Variants in DYRK4 observed in about 807,000 individuals in gnomAD.
The protein encoded by DYRK4 is dual specificity tyrosine phosphorylation regulated kinase 4, also known as dual specificity tyrosine-phosphorylation-regulated kinase 4.
A neutral mutation model predicts 68.3 loss-of-function variants in DYRK4; 64 were observed. That is an observed-to-expected ratio of 0.94 (90% confidence interval 0.77 to 1.15). DYRK4 has a LOEUF of 1.15. DYRK4 is among the 50% of genes most tolerant of loss of function. The pLI is 0.00. For synonymous variants in DYRK4, 274 were observed against 289.9 expected (o/e 0.95, Z 0.56); for missense variants, 740 against 764.7 (o/e 0.97, Z 0.38).
intron 2 of DYRK4, among the ~76,000 whole-genome samples, chr12:4,586,107 C>T (rs1944893804): frequency 6.6e-6 from 1 of 152,146 alleles, no homozygotes; most frequent in Admixed American, 6.5e-5. Flanking sequence ...CCTGTAGTCC[C>T]AGCTACTTGG....
At chr12:4,608,285 C>CCAG (rs1317093586) in intron 12 of DYRK4, among the ~76,000 whole-genome samples, 3 of 152,192 alleles carry the variant, frequency 2.0e-5, no homozygotes, top group Non-Finnish European at 4.4e-5. Flanking sequence ...ACATTTCTGA[C>CCAG]CAGCCATTGT....
intron 4 of DYRK4, 123 bp downstream of exon 4, chr12:4,590,563 T>C: frequency 6.9e-7 from 1 of 1,443,596 alleles, no homozygotes; most frequent in Non-Finnish European, 9.0e-7. Flanking sequence ...AGGTGGGTTC[T>C]AGTCCTGTTC....
chr12:4,610,054 CAG>C (rs1398684301), intron 12 of DYRK4, 99 bp from the exon 13 acceptor site: 7 of 1,054,612 alleles, frequency 6.6e-6, no homozygotes, highest in African/African-American at 4.9e-5. Context: ...GTGTGTAAGA[CAG>C]AGAGCAAAAG....
intron 11 of DYRK4, 97 bp downstream of exon 11, chr12:4,605,183 A>G (rs1945129622): frequency 1.8e-6 from 2 of 1,101,048 alleles, no homozygotes; most frequent in African/African-American, 3.1e-5. Flanking sequence ...TGGCCTGCAT[A>G]CCTTGTTGTT....
chr12:4,576,713 G>A (rs1373528182), intron 2 of DYRK4, among the ~76,000 whole-genome samples: 3 of 152,164 alleles, frequency 2.0e-5, no homozygotes, highest in East Asian at 3.8e-4. Flanking sequence ...GTTCTAGTAG[G>A]TGTGTAGTGG....
Position 4,562,266 on chromosome 12 carries a change from T to C in DYRK4, c.21T>C (p.Pro7=), listed in dbSNP as rs1450962986. The stretch of plus-strand genomic sequence containing the variant: ...GCCTCATGCAGCTCCTCCCGCCGCC[T>C]ATCCGCACCGGAACAAAGTAAGGGC... The part of the protein sequence containing the change: MQLLPP[P]IRTGTKTQMD... The change falls in exon 1 of 15, where the codon CCT becomes CCC. Residue 7 remains proline, a synonymous_variant. Transcript: ENST00000543431. 2 of 1,532,396 alleles carry C rather than the reference T, an allele frequency of 1.3e-6. No individual in the cohort carries two copies. The highest frequency in any genetic ancestry group is 1.7e-6 in the Non-Finnish European group (2 of 1,145,380). 94.9% of individuals were successfully genotyped at this position (1,532,396 alleles called of 1,614,324 possible).
Position 4,599,552 on chromosome 12 carries a change from A to G in DYRK4, c.1045-155A>G, listed in dbSNP as rs1591803071. Reference sequence around the variant, plus strand: ...GACCACAAGTCAAATGGAAAGTCAGAGCGGAGGATGATGGGATTTTGGAGA... The same window carrying G: ...GACCACAAGTCAAATGGAAAGTCAGGGCGGAGGATGATGGGATTTTGGAGA... On this transcript the variant is annotated intron_variant, in intron 9 of 14. Coordinates refer to ENST00000543431, the MANE Select transcript of DYRK4 (RefSeq NM_001394779.1). 4.9e-6 allele frequency: 3 copies of G among 606,128 alleles called. No homozygotes were observed. In the Admixed American group the frequency reaches 9.4e-5, roughly 19 times the overall value. The allele number at this position is 606,128 out of a possible 1,614,324, so 37.5% of individuals were successfully genotyped here.
At chr12:4,572,463 G>A (rs1944742008) in intron 2 of DYRK4, among the ~76,000 whole-genome samples, 1 of 152,070 alleles carries the variant, frequency 6.6e-6, no homozygotes, top group Non-Finnish European at 1.5e-5. Context: ...TGTTGTTGTT[G>A]TTGTTGTATT....
At chr12:4,563,755 T>C (rs1204166189) in intron 1 of DYRK4, among the ~76,000 whole-genome samples, 1 of 152,232 alleles carries the variant, frequency 6.6e-6, no homozygotes, top group Non-Finnish European at 1.5e-5. Context: ...AAAGCTTTTT[T>C]CTACTCAACT....
chr12:4,590,895 A>G (rs1944946692), intron 4 of DYRK4: 1 of 476,216 alleles, frequency 2.1e-6, no homozygotes, highest in Non-Finnish European at 3.6e-6. Flanking sequence ...AACTGTTCCC[A>G]TCTCTTCCCA....
rs11063258 is a variant in DYRK4, at chr12:4,606,002, G to A, written c.1299+916G>A. Among the ~76,000 whole-genome samples, 4 of 152,094 alleles carry A rather than the reference G, an allele frequency of 2.6e-5. No homozygotes were observed. In the East Asian group the frequency reaches 7.7e-4, roughly 29 times the overall value. On this transcript the variant is annotated intron_variant, in intron 11 of 14. Transcript: ENST00000543431. ...ACCCGATTAAAATGTTGAAAACAAA[G>A]AATTGGAAATTATTTGACTTCAAAG...
intron 1 of DYRK4, among the ~76,000 whole-genome samples, chr12:4,564,148 G>A (rs905685428): frequency 1.3e-5 from 2 of 152,162 alleles, no homozygotes; most frequent in Admixed American, 6.5e-5. Context: ...TGGCAGAAAT[G>A]AGTGTGACTT....
At chr12:4,588,790 T>C in intron 2 of DYRK4, 147 bp from the exon 3 acceptor site, 1 of 664,454 alleles carries the variant, frequency 1.5e-6, no homozygotes, top group Non-Finnish European at 2.6e-6. Flanking sequence ...CATTGAGTAC[T>C]TATTGGAGCC....
chr12:4,567,323 G>C (rs927601737), intron 1 of DYRK4: 4 of 152,154 alleles, frequency 2.6e-5, no homozygotes, highest in African/African-American at 9.7e-5. Context: ...AGCCGAAAAG[G>C]GACTTGCAAA....
chr12:4,581,554 G>A lies in DYRK4; in HGVS notation c.133-7383G>A, dbSNP rs548842838. On this transcript the variant is annotated intron_variant, in intron 2 of 14. Transcript: ENST00000543431. The stretch of plus-strand genomic sequence containing the variant: ...TTCCTTCCAAAAGAAGGGCCGGGGA[G>A]CATGGGAGCACTTTCCTGGTGGGAA... 2.0e-5 allele frequency among the ~76,000 whole-genome samples: 3 copies of A among 152,298 alleles called. No homozygotes were observed. The East Asian group carries it at 5.8e-4, about 29-fold the overall frequency.
chr12:4,599,269 A>ATT, intron 9 of DYRK4, 103 bp downstream of exon 9: 9 of 647,076 alleles, frequency 1.4e-5, no homozygotes, highest in East Asian at 3.9e-5. Flanking sequence ...ATTGCCTTTG[A>ATT]CTTTTTTTTT....
Position 4,599,077 on chromosome 12 carries a change from C to T in DYRK4, c.955C>T (p.Leu319=), listed in dbSNP as rs1325122362. ...GAATAACAACTTTCAAGGCTTCAGT[C>T]TGTCCATAGTTCGGCGCTTCACTCT... The part of the protein sequence containing the change: ...MKNNNFQGFS[L]SIVRRFTLSV... The change falls in exon 9 of 15, where the codon CTG becomes TTG. Residue 319 remains leucine, a synonymous_variant. Transcript: ENST00000543431. The T allele has an allele frequency of 3.7e-6, 6 of 1,614,132 alleles. No individual in the cohort carries two copies. The highest frequency in any genetic ancestry group is 5.1e-6 in the Non-Finnish European group (6 of 1,180,010).
rs1310578282 is a variant in DYRK4 at position 4,588,819 on chromosome 12, C to CT, written c.133-117dup. The CT allele has an allele frequency of 1.6e-5, 14 of 898,862 alleles. No homozygotes were observed. The East Asian group carries it at 3.2e-4, about 20-fold the overall frequency. The allele number at this position is 898,862 out of a possible 1,614,324, so 55.7% of individuals were successfully genotyped here. The stretch of plus-strand genomic sequence containing the variant: ...TGGAGCCTCTCTTGGCTCTTCCCAG[C>CT]TAAGGATTCAGGAGAGCTGGCCTCA... On this transcript the variant is annotated intron_variant, in intron 2 of 14. Coordinates refer to ENST00000543431, the MANE Select transcript of DYRK4 (RefSeq NM_001394779.1).
chr12:4,602,445 G>C, intron 10 of DYRK4: 1 of 1,161,790 alleles, frequency 8.6e-7, no homozygotes. Context: ...AGACTGTCCT[G>C]ATTAGATTTC....
Sources: gnomAD v4.1 joint callset for allele counts (sites outside exome capture counted in the v4.1 genomes callset) on GRCh38, gnomAD v4.1.1 for gene constraint, MANE v1.5 for transcripts, NCBI Gene and HGNC (gene_info 2026-07-23, HGNC 2026-07-21) for gene names.